CDH13: variants seen among roughly 807,000 people sequenced by gnomAD.
CDH13 encodes cadherin-13.
Under a neutral mutation model 63.8 loss-of-function variants are expected in CDH13, and 24 were observed. The ratio of observed to expected loss-of-function variants is 0.38; its 90% CI spans 0.27 to 0.53. The LOEUF is 0.53. Ranked by LOEUF, CDH13 falls within the 20% of genes least tolerant of loss-of-function variation. The pLI is 0.85. For missense variants in CDH13, 1,049 were observed against 903.1 expected, an observed-to-expected ratio of 1.16 and a Z score of -2.07; for synonymous variants, 503 against 355.3, an observed-to-expected ratio of 1.42 and a Z score of -4.67.
At chr16:83,024,057 T>C (rs866289949) in intron 2 of CDH13, among the ~76,000 whole-genome samples, 1 of 152,312 alleles carries the variant, frequency 6.6e-6, no homozygotes, top group Middle Eastern at 3.4e-3. Flanking sequence ...TTATCTGATA[T>C]TTGGATATCA....
intron 7 of CDH13, among the ~76,000 whole-genome samples, chr16:83,576,885 T>C (rs1264540635): frequency 6.6e-6 from 1 of 152,250 alleles, no homozygotes; most frequent in African/African-American, 2.4e-5. Context: ...CTACATCTTC[T>C]GGATAGTAGA....
intron 1 of CDH13, among the ~76,000 whole-genome samples, chr16:82,666,247 A>C (rs568506292): frequency 2.2e-4 from 33 of 152,332 alleles, no homozygotes; most frequent in African/African-American, 7.9e-4. Flanking sequence ...AACCAGAAAC[A>C]CAGGGGAATG....
intron 7 of CDH13, among the ~76,000 whole-genome samples, chr16:83,507,996 C>T (rs1315917033): frequency 6.7e-6 from 1 of 148,172 alleles, no homozygotes; most frequent in Non-Finnish European, 1.5e-5. Flanking sequence ...CGCGCCACTG[C>T]ACTCCAGCTT....
chr16:83,115,971 A>G (rs974421048), intron 3 of CDH13, among the ~76,000 whole-genome samples: 1 of 152,218 alleles, frequency 6.6e-6, no homozygotes, highest in Non-Finnish European at 1.5e-5. Context: ...GCCCGGGTCA[A>G]GCTGCGTCTG....
intron 7 of CDH13, among the ~76,000 whole-genome samples, chr16:83,507,083 C>T (rs1320485151): frequency 6.6e-6 from 1 of 152,196 alleles, no homozygotes; most frequent in African/African-American, 2.4e-5. Context: ...GCTAAAATTG[C>T]TGCTCATTTC....
At chr16:83,215,044 T>A (rs2039454996) in intron 4 of CDH13, among the ~76,000 whole-genome samples, 1 of 143,854 alleles carries the variant, frequency 7.0e-6, no homozygotes. Flanking sequence ...TGACTGAAAA[T>A]TATTTTCATC....
At chr16:82,775,205 C>A (rs1462288364) in intron 1 of CDH13, among the ~76,000 whole-genome samples, 1 of 152,096 alleles carries the variant, frequency 6.6e-6, no homozygotes, top group Non-Finnish European at 1.5e-5. Context: ...TAGATAAATG[C>A]ATGTAAAGCT....
intron 6 of CDH13, among the ~76,000 whole-genome samples, chr16:83,456,958 C>A (rs1173758239): frequency 6.6e-6 from 1 of 151,818 alleles, no homozygotes; most frequent in African/African-American, 2.4e-5. Flanking sequence ...TAAGACTCTG[C>A]CTAAAATAAT....
intron 6 of CDH13, among the ~76,000 whole-genome samples, chr16:83,419,512 AATG>A (rs1299281564): frequency 2.0e-5 from 3 of 152,082 alleles, no homozygotes; most frequent in Non-Finnish European, 4.4e-5. Context: ...CAAGTTCTAT[AATG>A]ATAGCCAACC....
chr16:82,774,199 G>T (rs1009806306), intron 1 of CDH13, among the ~76,000 whole-genome samples: 6 of 152,088 alleles, frequency 3.9e-5, no homozygotes, highest in African/African-American at 1.4e-4. Context: ...AAGAATATAG[G>T]CTCTTTTCCC....
At chr16:83,324,028 T>TTTCTTC (rs57354949) in intron 5 of CDH13, among the ~76,000 whole-genome samples, 15 of 142,564 alleles carry the variant, frequency 1.1e-4, no homozygotes, top group African/African-American at 3.6e-4. Flanking sequence ...CACAGGTTTA[T>TTTCTTC]TTCTTCTTCT....
chr16:82,694,490 C>G (rs1005565635), intron 1 of CDH13, among the ~76,000 whole-genome samples: 1 of 152,162 alleles, frequency 6.6e-6, no homozygotes, highest in African/African-American at 2.4e-5. Context: ...GAGAAGGAGG[C>G]TGTTTTATCT....
intron 6 of CDH13, among the ~76,000 whole-genome samples, chr16:83,482,072 G>T (rs1175392451): frequency 1.3e-5 from 2 of 152,156 alleles, no homozygotes; most frequent in African/African-American, 2.4e-5. Flanking sequence ...GACCTCCAAG[G>T]CGCATTGAAC....
intron 6 of CDH13, among the ~76,000 whole-genome samples, chr16:83,470,151 A>G (rs1467336998): frequency 3.3e-5 from 5 of 152,068 alleles, no homozygotes; most frequent in East Asian, 1.9e-4. Context: ...TCTCGCTTTG[A>G]CATTCACCTA....
intron 2 of CDH13, among the ~76,000 whole-genome samples, chr16:82,891,081 T>C (rs1427185387): frequency 2.0e-5 from 3 of 151,686 alleles, no homozygotes; most frequent in Non-Finnish European, 2.9e-5. Flanking sequence ...CGTGATGGTG[T>C]TATTCAATTC....
intron 3 of CDH13, among the ~76,000 whole-genome samples, chr16:83,085,577 G>A (rs983163303): frequency 3.3e-5 from 5 of 152,200 alleles, no homozygotes; most frequent in Admixed American, 2.0e-4. Flanking sequence ...TCTCTCATAG[G>A]CCAGGACTGT....
At chr16:83,426,697 A>G (rs1245335461) in intron 6 of CDH13, among the ~76,000 whole-genome samples, 1 of 152,088 alleles carries the variant, frequency 6.6e-6, no homozygotes, top group African/African-American at 2.4e-5. Context: ...GCATGTAGAT[A>G]GAATGAGAGA....
At chr16:83,199,210 G>A (rs184391485) in intron 4 of CDH13, among the ~76,000 whole-genome samples, 16 of 152,342 alleles carry the variant, frequency 1.1e-4, no homozygotes, top group Admixed American at 2.6e-4. Context: ...TAGCACCCAC[G>A]GTGCCATGTG....
rs541320633 is a variant in CDH13, at chr16:82,970,621, A to G, written c.158-61389A>G. Among the ~76,000 whole-genome samples the G allele has an allele frequency of 3.6e-3, 423 of 117,314 alleles. 37 individuals are homozygous for G. The highest frequency in any genetic ancestry group is 0.034 in the Middle Eastern group (7 of 206). The allele number at this position is 117,314 out of a possible 152,430, so 77.0% of individuals were successfully genotyped here. ...TCACCTTGTTAGCCAGGATGGTCTC[A>G]ATCTCCTGACCTCATGATCCACCCG... is the stretch of plus-strand genomic sequence containing the variant. On this transcript the variant is annotated intron_variant, in intron 2 of 13. Coordinates refer to ENST00000567109, the MANE Select transcript of CDH13 (RefSeq NM_001257.5).
Sources: gnomAD v4.1 joint callset for allele counts (sites outside exome capture counted in the v4.1 genomes callset) on GRCh38, gnomAD v4.1.1 for gene constraint, MANE v1.5 for transcripts, NCBI Gene and HGNC (gene_info 2026-07-23, HGNC 2026-07-21) for gene names.